The following VSIG10L2 variants were observed in gnomAD, a reference collection of about 807,000 sequenced individuals.
VSIG10L2 encodes the protein V-set and immunoglobulin domain containing 10 like 2.
Under a neutral mutation model 67.1 loss-of-function variants are expected in VSIG10L2, and 56 were observed. That is an observed-to-expected ratio of 0.83 (90% CI 0.67 to 1.04). The LOEUF (loss-of-function observed/expected upper bound fraction) is 1.04, where lower values mean the gene tolerates loss of function less well. VSIG10L2 is among the 50% of genes least tolerant of loss of function. The probability of loss-of-function intolerance (pLI) is 0.00; values close to 1 mark genes in which losing one functional copy is unlikely to be tolerated. For synonymous variants in VSIG10L2, 360 were observed against 396.6 expected (o/e 0.91, Z 1.10); for missense variants, 843 against 932.8 (o/e 0.90, Z 1.25).
intron 4 of VSIG10L2, 150 bp from the exon 5 acceptor site, chr11:125,950,760 C>G: frequency 2.7e-6 from 2 of 731,210 alleles, no homozygotes; most frequent in Non-Finnish European, 3.8e-6. Context: ...TCACCAGCCC[C>G]TCAGAGAGAC....
At position 125,954,308 on chromosome 11, in the gene VSIG10L2, G is replaced by A. The variant is rs564585494; in HGVS notation, c.2008G>A (p.Gly670Arg). 2.0e-5 allele frequency: 25 copies of A among 1,231,862 alleles called. No homozygotes were observed. Among genetic ancestry groups the A allele is most frequent in the South Asian group, 4.1e-5 (1 of 24,304 alleles). 76.3% of individuals were successfully genotyped at this position (1,231,862 alleles called of 1,614,324 possible). ...RGRRLGGLDP[G>R]VLYAFRILAL... ...ACGGCGGCTGGGGGGCTTGGACCCC[G>A]GGGTCCTTTATGCCTTCCGCATCCT... Residue 670 changes from glycine (G) to arginine (R), a missense_variant, in exon 8 of 12, where the codon GGG becomes AGG. By Grantham distance (125) the Gly-to-Arg change is moderately radical (BLOSUM62 -2). Transcript: ENST00000686984.
chr11:125,949,206 TTAAA>T lies in VSIG10L2; in HGVS notation c.709+633_709+636del, dbSNP rs574919305. Among the ~76,000 whole-genome samples the T allele has an allele frequency of 2.0e-3, 307 of 152,384 alleles. 3 individuals carry two copies. Among genetic ancestry groups the T allele is most frequent in the Non-Finnish European group, 6.3e-4 (43 of 68,040 alleles). Reference sequence around the variant, plus strand: ...GAAATAACATTCTGGATATATTTGGTTAAATAAATATATTCTTAAAGTAAAACAC... The same window carrying T: ...GAAATAACATTCTGGATATATTTGGTTAAATATATTCTTAAAGTAAAACAC... On this transcript the variant is annotated intron_variant, in intron 3 of 11. Coordinates refer to ENST00000686984, the MANE Select transcript of VSIG10L2 (RefSeq NM_001365077.2).
chr11:125,955,325 C>G, intron 9 of VSIG10L2, 146 bp downstream of exon 9: 1 of 1,262,616 alleles, frequency 7.9e-7, no homozygotes, highest in Non-Finnish European at 1.0e-6. Flanking sequence ...CTAGATGTTG[C>G]CATGCAGGGC....
Position 125,950,323 on chromosome 11 carries a change from T to C in VSIG10L2, c.985+34T>C, listed in dbSNP as rs536091681. 6.5e-6 allele frequency: 8 copies of C among 1,232,208 alleles called. No homozygotes were observed. The South Asian group carries it at 2.5e-4, about 38-fold the overall frequency. The allele number at this position is 1,232,208 out of a possible 1,614,324, so 76.3% of individuals were successfully genotyped here. A position where few individuals can be genotyped will look rare whatever the true frequency, so the allele number is the denominator to read the frequency against. ...GGGGGTCGGGTGACGCCCAGACCTG[T>C]CCTGGGGACAACTCACGCTGGAGCC... On this transcript the variant is annotated intron_variant, in intron 4 of 11. Coordinates refer to ENST00000686984, the MANE Select transcript of VSIG10L2 (RefSeq NM_001365077.2).
Position 125,946,725 on chromosome 11 carries a change from C to G in VSIG10L2, c.82+588C>G, listed in dbSNP as rs1945306873. ...GCTAATTTTTGTATTTTTAGTAGAG[C>G]CAGGGTTTTGCCATGTTGGCCAGGC... On this transcript the variant is annotated intron_variant, in intron 1 of 11. Coordinates refer to ENST00000686984, the MANE Select transcript of VSIG10L2 (RefSeq NM_001365077.2). This position sits in a 1 kb window ranked among gnomAD's most constrained non-coding sequence, Gnocchi z 4.4. Among the ~76,000 whole-genome samples the G allele has an allele frequency of 6.6e-6, 1 of 151,824 alleles. No individual in the cohort carries two copies. The highest frequency in any genetic ancestry group is 1.5e-5 in the Non-Finnish European group (1 of 67,926).
intron 10 of VSIG10L2, 25 bp downstream of exon 10, chr11:125,955,531 TG>T: frequency 1.6e-6 from 2 of 1,245,560 alleles, no homozygotes; most frequent in South Asian, 1.3e-5. Flanking sequence ...CCAGTCATCC[TG>T]GGGGCCAGGG....
chr11:125,951,742 A>C, intron 5 of VSIG10L2, 71 bp from the exon 6 acceptor site: 3 of 1,397,510 alleles, frequency 2.1e-6, no homozygotes, highest in Non-Finnish European at 2.8e-6. Flanking sequence ...CAATGAAGGA[A>C]GGGGGATAGG....
rs933144361 is a variant in VSIG10L2, at chr11:125,946,257, C to T, written c.82+120C>T. ...CCATGAAGTCCGTTCAGTCATTCAT[C>T]GGCTAGACATTTAACTAGCGTTCAC... On this transcript the variant is annotated intron_variant, in intron 1 of 11. Transcript: ENST00000686984. This position sits in a 1 kb window ranked among gnomAD's most constrained non-coding sequence, Gnocchi z 4.4. 5.0e-6 allele frequency: 2 copies of T among 396,910 alleles called. No homozygotes were observed. The highest frequency in any genetic ancestry group is 8.9e-6 in the Non-Finnish European group (2 of 225,336). The allele number at this position is 396,910 out of a possible 1,614,324, so 24.6% of individuals were successfully genotyped here.
chr11:125,948,875 T>C (rs1395941427), intron 3 of VSIG10L2, among the ~76,000 whole-genome samples: 1 of 152,256 alleles, frequency 6.6e-6, no homozygotes, highest in Non-Finnish European at 1.5e-5. Context: ...AGTCTGCCTT[T>C]AGGTTGAGCC....
At chr11:125,953,754 G>A (rs1945411004) in intron 7 of VSIG10L2, 64 bp downstream of exon 7, 1 of 1,221,882 alleles carries the variant, frequency 8.2e-7, no homozygotes, top group African/African-American at 1.6e-5. Flanking sequence ...CAGCCACAGA[G>A]TGCTTTAAGT....
intron 5 of VSIG10L2, among the ~76,000 whole-genome samples, chr11:125,951,536 C>G (rs1278788788): frequency 6.6e-6 from 1 of 152,268 alleles, no homozygotes; most frequent in Admixed American, 6.5e-5. Flanking sequence ...TCAGCCAAGA[C>G]AGAGTCCAGA....
intron 2 of VSIG10L2, 86 bp downstream of exon 2, chr11:125,948,122 G>A: frequency 8.1e-7 from 1 of 1,231,920 alleles, no homozygotes; most frequent in Non-Finnish European, 1.0e-6. Context: ...TTGTGTGTGT[G>A]CGGGACCCAG....
chr11:125,956,317 C>T lies in VSIG10L2; in HGVS notation c.*403C>T. 1.3e-6 allele frequency: 1 copy of T among 796,104 alleles called. No homozygotes were observed. Among genetic ancestry groups the T allele is most frequent in the South Asian group, 1.4e-5 (1 of 71,160 alleles). The allele number at this position is 796,104 out of a possible 1,614,324, so 49.3% of individuals were successfully genotyped here. On this transcript the variant is annotated 3_prime_UTR_variant, in exon 12 of 12. Transcript: ENST00000686984. ...AATAAATCAGAGCTGATGTTCACGCCAATAGAGGGCTACTTCCATTGCGAC... is the reference window on the plus strand; with the variant it reads ...AATAAATCAGAGCTGATGTTCACGCTAATAGAGGGCTACTTCCATTGCGAC...
intron 4 of VSIG10L2, 52 bp downstream of exon 4, chr11:125,950,341 CT>C: frequency 1.6e-6 from 2 of 1,231,616 alleles, no homozygotes; most frequent in South Asian, 8.3e-5. Flanking sequence ...ACAACTCACG[CT>C]GGAGCCTTTG....
At position 125,955,836 on chromosome 11, in the gene VSIG10L2, C is replaced by T. The variant is rs1249867756; in HGVS notation, c.2304C>T (p.Thr768=). 2 of 717,656 alleles carry T rather than the reference C, an allele frequency of 2.8e-6. No individual in the cohort carries two copies. The highest frequency in any genetic ancestry group is 3.0e-5 in the South Asian group (2 of 66,670). 44.5% of individuals were successfully genotyped at this position (717,656 alleles called of 1,614,324 possible). A position where few individuals can be genotyped will look rare whatever the true frequency, so the allele number is the denominator to read the frequency against. ...EAPAGLETPT[T]TPGLDPAQET... is the part of the protein sequence containing the mutation. The stretch of plus-strand genomic sequence containing the variant: ...TCATAGGCCTTGAAACACCAACCAC[C>T]ACCCCAGGTTTGGATCCTGCACAAG... The change falls in exon 12 of 12, where the codon ACC becomes ACT. Residue 768 remains threonine (T), a synonymous_variant. Transcript: ENST00000686984.
chr11:125,949,387 C>T (rs963936635), intron 3 of VSIG10L2, among the ~76,000 whole-genome samples: 5 of 152,146 alleles, frequency 3.3e-5, no homozygotes, highest in Non-Finnish European at 1.5e-5. Flanking sequence ...GGAGCGAGGA[C>T]GAATGGCGTC....
intron 6 of VSIG10L2, among the ~76,000 whole-genome samples, chr11:125,952,579 A>C (rs1344968580): frequency 6.6e-6 from 1 of 152,232 alleles, no homozygotes; most frequent in Non-Finnish European, 1.5e-5. Context: ...ATCTAGATGA[A>C]GTGGAAATGC....
rs1945345848 is a variant in VSIG10L2 at position 125,950,074 on chromosome 11, G to C, written c.770G>C (p.Trp257Ser). The part of the protein sequence containing the change: ...EPLGLTEEGF[W>S]ASEREEVTLS... ...CTGGGACTCACTGAGGAGGGCTTCTGGGCCAGTGAGAGGGAAGAGGTGACC... is the reference window on the plus strand; with the variant it reads ...CTGGGACTCACTGAGGAGGGCTTCTCGGCCAGTGAGAGGGAAGAGGTGACC... The change falls in exon 4 of 12, where the codon TGG (tryptophan) becomes TCG (serine). Residue 257 changes from tryptophan to serine, a missense_variant. This residue lies in a region of VSIG10L2 where 446 missense variants were observed against 548.4 expected (regional missense o/e 0.81). Coordinates refer to ENST00000686984, the MANE Select transcript of VSIG10L2 (RefSeq NM_001365077.2). 1 of 1,232,220 alleles carries C rather than the reference G, an allele frequency of 8.1e-7. No individual in the cohort carries two copies. Among genetic ancestry groups the C allele is most frequent in the Admixed American group, 4.2e-5 (1 of 23,696 alleles). The allele number at this position is 1,232,220 out of a possible 1,614,324, so 76.3% of individuals were successfully genotyped here. A position where few individuals can be genotyped will look rare whatever the true frequency, so the allele number is the denominator to read the frequency against.
In VSIG10L2 at chr11:125,954,078, C is replaced by G. The variant is rs148056238; in HGVS notation, c.1787-9C>G. On this transcript the variant is annotated splice_polypyrimidine_tract_variant and intron_variant, in intron 7 of 11. Coordinates refer to ENST00000686984, the MANE Select transcript of VSIG10L2 (RefSeq NM_001365077.2). ...ACATGTCCCTTGTTTTGTCCCCACC[C>G]TCACCCAGGATATCCAGCTCCTCCC... The G allele has an allele frequency of 3.4e-4, 414 of 1,232,154 alleles. 2 individuals carry two copies. In the Middle Eastern group the frequency reaches 9.7e-3, roughly 29 times the overall value. 76.3% of individuals were successfully genotyped at this position (1,232,154 alleles called of 1,614,324 possible). A position where few individuals can be genotyped will look rare whatever the true frequency, so the allele number is the denominator to read the frequency against.
Sources: allele counts gnomAD v4.1 joint callset (sites outside exome capture counted in the v4.1 genomes callset), GRCh38; gene constraint gnomAD v4.1.1; regional missense constraint gnomAD v4.1.1; non-coding constraint Gnocchi (gnomAD v3.1); transcripts MANE v1.5; gene names NCBI Gene and HGNC (gene_info 2026-07-23, HGNC 2026-07-21).